UNC80: variants seen among roughly 807,000 people sequenced by gnomAD.
UNC80 encodes the protein unc-80 subunit of NALCN channel complex.
A neutral mutation model predicts 384.6 loss-of-function variants in UNC80; 164 were observed. That is an observed-to-expected ratio of 0.43 (90% CI 0.38 to 0.49). The LOEUF (loss-of-function observed/expected upper bound fraction) is 0.49, where lower values mean the gene tolerates loss of function less well. Among genes scored for constraint, UNC80 ranks in the 20% least tolerant of loss-of-function variants. UNC80 has a pLI of 0.00. For missense variants in UNC80, 3,330 were observed against 4,143.0 expected, an observed-to-expected ratio of 0.80 and a Z score of 5.39; for synonymous variants, 1,486 against 1,527.8, an observed-to-expected ratio of 0.97 and a Z score of 0.64.
intron 13 of UNC80, among the ~76,000 whole-genome samples, chr2:209,824,507 C>T (rs1366630793): frequency 6.6e-6 from 1 of 152,104 alleles, no homozygotes. Context: ...ACCCCAGGTC[C>T]CTTTATGGCC....
rs958846478 is a variant in UNC80 at position 209,970,840 on chromosome 2, A to G, written c.8139A>G (p.Gly2713=). The G allele has an allele frequency of 1.3e-6, 2 of 1,551,300 alleles. No homozygotes were observed. Among genetic ancestry groups the G allele is most frequent in the African/African-American group, 1.4e-5 (1 of 72,982 alleles). The change falls in exon 54 of 65, where the codon GGA becomes GGG. Residue 2713 remains glycine, a synonymous_variant. Coordinates refer to ENST00000673920, the MANE Select transcript of UNC80 (RefSeq NM_001371986.1). The part of the protein sequence containing the change: ...LINVCVNLVM[G]VVGPSSVADG... ...CTCTGTTTGTATTTCAGGTGATGGGAGTGGTAGGACCTTCCAGTGTTGCTG... is the reference window on the plus strand; with the variant it reads ...CTCTGTTTGTATTTCAGGTGATGGGGGTGGTAGGACCTTCCAGTGTTGCTG...
chr2:209,868,795 C>T (rs138839171), intron 22 of UNC80, among the ~76,000 whole-genome samples: 30 of 152,178 alleles, frequency 2.0e-4, no homozygotes, highest in South Asian at 1.2e-3. Flanking sequence ...ATTGCTGATA[C>T]GACTATTTTT....
At chr2:209,923,653 T>C (rs1015826682) in intron 35 of UNC80, among the ~76,000 whole-genome samples, 12 of 152,206 alleles carry the variant, frequency 7.9e-5, no homozygotes, top group African/African-American at 2.9e-4. Context: ...GATTATTTTG[T>C]CATTATAACA....
intron 28 of UNC80, among the ~76,000 whole-genome samples, chr2:209,902,904 CGTGTGTGTGTGTGTGTGTGTGTGT>C (rs56102642): frequency 2.1e-5 from 3 of 141,316 alleles, no homozygotes; most frequent in African/African-American, 7.8e-5. Context: ...CCTGTATACA[CGTGTGTGTGTGTGTGTGTGTGTGT>C]GTGTGTGTGT....
chr2:209,823,453 C>T (rs1014254739), intron 13 of UNC80, among the ~76,000 whole-genome samples: 2 of 152,112 alleles, frequency 1.3e-5, no homozygotes, highest in Admixed American at 6.5e-5. Flanking sequence ...GAGCCCTCTA[C>T]ACAAAGGCCC....
rs1574579037 is a variant in UNC80, at chr2:209,817,847, A to G, written c.1588A>G (p.Thr530Ala). ...LTRRGSSDAA[T>A]EMESLSARHS... is the part of the protein sequence containing the mutation. Reference sequence around the variant, plus strand: ...CCGGCGAGGCAGTTCAGATGCAGCCACTGAGATGGAGAGTCTGAGCGCCAG... The same window carrying G: ...CCGGCGAGGCAGTTCAGATGCAGCCGCTGAGATGGAGAGTCTGAGCGCCAG... The change falls in exon 11 of 65, where the codon ACT (threonine) becomes GCT (alanine). Residue 530 changes from threonine (T) to alanine (A), a missense_variant. Physicochemically the swap from Thr to Ala is moderately conservative, Grantham distance 58. This residue lies in a region of UNC80 where 937 missense variants were observed against 1,026.8 expected (regional missense o/e 0.91). Coordinates refer to ENST00000673920, the MANE Select transcript of UNC80 (RefSeq NM_001371986.1). The G allele has an allele frequency of 3.2e-6, 5 of 1,551,682 alleles. No homozygotes were observed. The East Asian group carries it at 1.2e-4, about 38-fold the overall frequency.
At chr2:209,974,912 G>A (rs1422150993) in intron 56 of UNC80, among the ~76,000 whole-genome samples, 5 of 152,200 alleles carry the variant, frequency 3.3e-5, no homozygotes, top group Non-Finnish European at 7.3e-5. Flanking sequence ...TAGAGAAAGA[G>A]GAGTGTTGTT....
At chr2:209,791,305 G>T (rs1047141132) in intron 6 of UNC80, among the ~76,000 whole-genome samples, 1 of 151,892 alleles carries the variant, frequency 6.6e-6, no homozygotes, top group South Asian at 2.1e-4. Flanking sequence ...TTGTCATGTC[G>T]CTTTCTCCTT....
chr2:209,920,130 T>C (rs2089918557), intron 33 of UNC80, among the ~76,000 whole-genome samples: 1 of 152,054 alleles, frequency 6.6e-6, no homozygotes, highest in South Asian at 2.1e-4. Context: ...GATTGTGCCA[T>C]TGTACTCCAG....
At chr2:209,825,160 C>A (rs2080422165) in intron 13 of UNC80, among the ~76,000 whole-genome samples, 1 of 152,188 alleles carries the variant, frequency 6.6e-6, no homozygotes. Context: ...CTCTTCCACA[C>A]TGGGCTCTGC....
Position 209,873,000 on chromosome 2 carries a change from T to C in UNC80, c.3840+30T>C, listed in dbSNP as rs896681549. 1.3e-6 allele frequency: 2 copies of C among 1,542,066 alleles called. No homozygotes were observed. The highest frequency in any genetic ancestry group is 1.8e-6 in the Non-Finnish European group (2 of 1,138,626). On this transcript the variant is annotated intron_variant, in intron 23 of 64. Coordinates refer to ENST00000673920, the MANE Select transcript of UNC80 (RefSeq NM_001371986.1). This position sits in a 1 kb window ranked among gnomAD's most constrained non-coding sequence, Gnocchi z 4.1. ...GCTTTCGGTTTTCTTCTATAACAAT[T>C]AGGTTGCTTAAGTGAAGTGGAGTCA...
Position 209,772,989 on chromosome 2 carries a change from G to C in UNC80, c.93-105G>C, listed in dbSNP as rs528198374. ...AAAGCTATAAGGAAGCATGAAATTT[G>C]AATTTCATAGCATCCTGTCTTATTC... On this transcript the variant is annotated intron_variant, in intron 1 of 64. Transcript: ENST00000673920. 426 of 914,536 alleles carry C rather than the reference G, an allele frequency of 4.7e-4. 2 individuals carry two copies. In the Middle Eastern group the frequency reaches 5.1e-3, roughly 11 times the overall value. The allele number at this position is 914,536 out of a possible 1,614,324, so 56.7% of individuals were successfully genotyped here.
chr2:209,918,932 G>A (rs897933032), intron 33 of UNC80, among the ~76,000 whole-genome samples: 1 of 152,110 alleles, frequency 6.6e-6, no homozygotes, highest in Non-Finnish European at 1.5e-5. Context: ...TTGGCCAAAG[G>A]TGGCCCTTTT....
At chr2:209,959,038 T>C (rs1463995996) in intron 49 of UNC80, 81 bp from the exon 50 acceptor site, 3 of 1,204,560 alleles carry the variant, frequency 2.5e-6, no homozygotes, top group African/African-American at 1.5e-5. Context: ...GGGCTTTTCA[T>C]ATGAAAGTCG....
intron 61 of UNC80, among the ~76,000 whole-genome samples, chr2:209,991,125 T>C (rs2093383569): frequency 1.3e-5 from 2 of 152,336 alleles, no homozygotes; most frequent in Middle Eastern, 3.4e-3. Context: ...TGAACAGATA[T>C]AGTCTTTCTT....
rs1291717762 is a variant in UNC80 at position 209,836,929 on chromosome 2, G to C, written c.3041+1919G>C. 4.6e-5 allele frequency among the ~76,000 whole-genome samples: 7 copies of C among 152,128 alleles called. No homozygotes were observed. The South Asian group carries it at 1.2e-3, about 27-fold the overall frequency. On this transcript the variant is annotated intron_variant, in intron 18 of 64. Coordinates refer to ENST00000673920, the MANE Select transcript of UNC80 (RefSeq NM_001371986.1). The stretch of plus-strand genomic sequence containing the variant: ...TTATTGAGGAAATTGAGAAATTATA[G>C]CCTCCCCAGATGTTTTTCCAGCCAG...
Position 209,839,225 on chromosome 2 carries a change from T to C in UNC80, c.3045T>C (p.Asp1015=), listed in dbSNP as rs530128021. ...CCTATCCTCTGCTTGCCTACAGCGA[T>C]GAACAAATGCAAGGAGCCAACTTGG... ...SGRPSQTPEH[D]EQMQGANLGR... is the part of the protein sequence containing the mutation. Residue 1015 remains aspartate, a synonymous_variant, in exon 19 of 65, where the codon GAT becomes GAC. Coordinates refer to ENST00000673920, the MANE Select transcript of UNC80 (RefSeq NM_001371986.1). The surrounding 1 kb of genome is among the most constrained non-coding windows in gnomAD (Gnocchi z 4.1). 49 of 1,551,328 alleles carry C rather than the reference T, an allele frequency of 3.2e-5. No homozygotes were observed. Among genetic ancestry groups the C allele is most frequent in the African/African-American group, 4.1e-5 (3 of 72,998 alleles).
intron 22 of UNC80, among the ~76,000 whole-genome samples, chr2:209,851,511 T>C (rs905251637): frequency 6.6e-6 from 1 of 152,138 alleles, no homozygotes; most frequent in Non-Finnish European, 1.5e-5. Context: ...ACTCACCATA[T>C]AATAATTAAT....
intron 35 of UNC80, among the ~76,000 whole-genome samples, chr2:209,925,043 G>A (rs539648148): frequency 6.6e-6 from 1 of 151,942 alleles, no homozygotes; most frequent in African/African-American, 2.4e-5. Flanking sequence ...AAGACAGGGA[G>A]GTGAGTAGGA....
Sources: gnomAD v4.1 joint callset for allele counts (sites outside exome capture counted in the v4.1 genomes callset) on GRCh38, gnomAD v4.1.1 for gene constraint, gnomAD v4.1.1 regional missense constraint, Gnocchi (gnomAD v3.1) non-coding constraint, MANE v1.5 for transcripts, NCBI Gene and HGNC (gene_info 2026-07-23, HGNC 2026-07-21) for gene names.